The following NRG1 variants were observed in gnomAD, a reference collection of about 807,000 sequenced individuals.
The protein encoded by NRG1 is neuregulin 1.
In NRG1, 18 loss-of-function variants were observed where a neutral mutation model predicts 63.8. The ratio of observed to expected loss-of-function variants is 0.28; its 90% CI spans 0.19 to 0.42. The LOEUF (loss-of-function observed/expected upper bound fraction) is 0.42. Among genes scored for constraint, NRG1 ranks in the 10% least tolerant of loss-of-function variants. The pLI, the probability that NRG1 is intolerant of heterozygous loss-of-function variation, is 1.00. For synonymous variants in NRG1, 302 were observed against 301.3 expected, an observed-to-expected ratio of 1.00 and a Z score of -0.02; for missense variants, 762 against 814.7, an observed-to-expected ratio of 0.94 and a Z score of 0.79.
At chr8:32,661,466 A>T (rs1802832457) in intron 5 of NRG1, among the ~76,000 whole-genome samples, 1 of 152,200 alleles carries the variant, frequency 6.6e-6, no homozygotes, top group African/African-American at 2.4e-5. Flanking sequence ...TTAACATTTT[A>T]AAAACAGAGA....
At chr8:32,488,345 C>T (rs191372854) in intron 1 of NRG1, among the ~76,000 whole-genome samples, 1 of 152,270 alleles carries the variant, frequency 6.6e-6, no homozygotes, top group East Asian at 1.9e-4. Context: ...TCATGGAAGA[C>T]TGGGAAGGTG....
intron 4 of NRG1, among the ~76,000 whole-genome samples, chr8:32,615,398 A>G (rs1354440416): frequency 6.6e-6 from 1 of 152,148 alleles, no homozygotes; most frequent in Non-Finnish European, 1.5e-5. Flanking sequence ...TTCTTTTACA[A>G]AAATTCTTAA....
chr8:31,650,907 C>T lies in NRG1; in HGVS notation c.37+11476C>T, dbSNP rs115935237. 7.5e-3 allele frequency among the ~76,000 whole-genome samples: 1,143 copies of T among 152,306 alleles called. 9 individuals are homozygous for T. The highest frequency in any genetic ancestry group is 0.026 in the African/African-American group (1,072 of 41,550). On this transcript the variant is annotated intron_variant, in intron 1 of 10. Transcript: ENST00000519301. ...GATTGTGGGTCGCTGACTTTATTCA[C>T]TCATTTGGGTCTCAGTTTCCTAATA...
intron 1 of NRG1, among the ~76,000 whole-genome samples, chr8:31,951,929 G>C (rs1803531467): frequency 6.6e-6 from 1 of 152,172 alleles, no homozygotes; most frequent in Non-Finnish European, 1.5e-5. Flanking sequence ...CTTTCACTAA[G>C]ACAAAAATTC....
chr8:31,757,685 T>G (rs1817113633), intron 1 of NRG1, among the ~76,000 whole-genome samples: 1 of 152,084 alleles, frequency 6.6e-6, no homozygotes, highest in Non-Finnish European at 1.5e-5. Flanking sequence ...AGAGGGGGAA[T>G]GCAGAAGACC....
chr8:31,926,862 C>T (rs1161697570), intron 1 of NRG1, among the ~76,000 whole-genome samples: 2 of 152,128 alleles, frequency 1.3e-5, no homozygotes, highest in Non-Finnish European at 2.9e-5. Context: ...CAGCAACATC[C>T]TCTCTTTTCT....
intron 1 of NRG1, among the ~76,000 whole-genome samples, chr8:32,082,134 T>C (rs1827551425): frequency 6.6e-6 from 1 of 152,034 alleles, no homozygotes; most frequent in Admixed American, 6.6e-5. Context: ...AAACCAGGCT[T>C]AGGCAGAGGG....
intron 1 of NRG1, among the ~76,000 whole-genome samples, chr8:32,033,296 C>A (rs1398774277): frequency 6.6e-6 from 1 of 151,976 alleles, no homozygotes. Flanking sequence ...TATTCTGTTC[C>A]ATTGGTCTAT....
chr8:32,308,894 C>G (rs1339287682), intron 1 of NRG1, among the ~76,000 whole-genome samples: 2 of 152,212 alleles, frequency 1.3e-5, no homozygotes, highest in African/African-American at 2.4e-5. Flanking sequence ...ATTCCTTCCT[C>G]TATGGCCTGG....
At chr8:32,199,966 A>G (rs1843337621) in intron 1 of NRG1, among the ~76,000 whole-genome samples, 1 of 152,018 alleles carries the variant, frequency 6.6e-6, no homozygotes, top group South Asian at 2.1e-4. Context: ...TTTTGTAGAT[A>G]CAGGATTTCA....
chr8:31,655,803 A>G (rs1805379230), intron 1 of NRG1, among the ~76,000 whole-genome samples: 1 of 152,162 alleles, frequency 6.6e-6, no homozygotes, highest in Non-Finnish European at 1.5e-5. Context: ...AGTGAAGAGA[A>G]GTGAAAGATT....
At chr8:31,939,160 G>A (rs1288523244) in intron 1 of NRG1, among the ~76,000 whole-genome samples, 3 of 152,114 alleles carry the variant, frequency 2.0e-5, no homozygotes, top group Non-Finnish European at 2.9e-5. Flanking sequence ...AGAGCTCTGA[G>A]GCAAAAGCGT....
intron 1 of NRG1, among the ~76,000 whole-genome samples, chr8:32,307,721 A>G (rs934102842): frequency 6.6e-6 from 1 of 152,080 alleles, no homozygotes; most frequent in Non-Finnish European, 1.5e-5. Context: ...CTTTGAGAGC[A>G]GGTTGAATGC....
chr8:32,604,106 C>T (rs1054631801), intron 2 of NRG1, among the ~76,000 whole-genome samples: 2 of 152,166 alleles, frequency 1.3e-5, no homozygotes, highest in African/African-American at 4.8e-5. Flanking sequence ...GAGGCGTACT[C>T]AGGGCTGTCA....
At chr8:32,165,829 A>G (rs1839338205) in intron 1 of NRG1, among the ~76,000 whole-genome samples, 1 of 152,134 alleles carries the variant, frequency 6.6e-6, no homozygotes, top group Non-Finnish European at 1.5e-5. Context: ...GGTGCCTACA[A>G]TGATAAGTGG....
At chr8:32,602,970 G>A (rs759138959) in intron 2 of NRG1, among the ~76,000 whole-genome samples, 12 of 151,960 alleles carry the variant, frequency 7.9e-5, no homozygotes, top group Non-Finnish European at 1.8e-4. Context: ...GTTTTATTTC[G>A]ATAATTTTAA....
chr8:32,659,436 C>T (rs1299030301), intron 5 of NRG1, among the ~76,000 whole-genome samples: 1 of 152,156 alleles, frequency 6.6e-6, no homozygotes, highest in Admixed American at 6.5e-5. Context: ...CCGTGACCCA[C>T]CGTGGCCAGC....
intron 5 of NRG1, among the ~76,000 whole-genome samples, chr8:32,666,884 G>A (rs749379906): frequency 6.6e-6 from 1 of 152,156 alleles, no homozygotes; most frequent in African/African-American, 2.4e-5. Flanking sequence ...CATGTGACTG[G>A]CTTATTTCAC....
At chr8:32,387,450 C>A (rs768473339) in intron 1 of NRG1, among the ~76,000 whole-genome samples, 29 of 152,150 alleles carry the variant, frequency 1.9e-4, no homozygotes, top group Non-Finnish European at 3.7e-4. Context: ...TAACTCTGTG[C>A]CTTGCTATGG....
Sources: allele counts gnomAD v4.1 joint callset (sites outside exome capture counted in the v4.1 genomes callset), GRCh38; gene constraint gnomAD v4.1.1; transcripts MANE v1.5; gene names NCBI Gene and HGNC (gene_info 2026-07-23, HGNC 2026-07-21).